VWDE: variants seen among roughly 807,000 people sequenced by gnomAD.
VWDE encodes von Willebrand factor D and EGF domain-containing protein.
A neutral mutation model predicts 178.4 loss-of-function variants in VWDE; 207 were observed. The observed-to-expected ratio is 1.16, with a 90% CI of 1.04 to 1.30. The LOEUF is 1.30. Among genes scored for constraint, VWDE ranks in the 50% most tolerant of loss-of-function variants. The probability of loss-of-function intolerance (pLI) is 0.00; values close to 1 mark genes in which losing one functional copy is unlikely to be tolerated. For synonymous variants in VWDE, 738 were observed against 651.4 expected (o/e 1.13, Z -2.02); for missense variants, 2,287 against 1,901.3 (o/e 1.20, Z -3.77).
At chr7:12,335,614 C>A (rs573912270) in intron 27 of VWDE, among the ~76,000 whole-genome samples, 17 of 152,048 alleles carry the variant, frequency 1.1e-4, no homozygotes, top group Non-Finnish European at 2.4e-4. Flanking sequence ...TGCCACCACG[C>A]CTGGCTAATT....
intron 7 of VWDE, among the ~76,000 whole-genome samples, chr7:12,375,452 TAA>T (rs1783473835): frequency 6.6e-6 from 1 of 152,002 alleles, no homozygotes. Context: ...TATGTACACA[TAA>T]ATACATATTA....
At chr7:12,370,987 A>G (rs1217638376) in intron 10 of VWDE, 123 bp from the exon 11 acceptor site, 4 of 818,432 alleles carry the variant, frequency 4.9e-6, no homozygotes, top group East Asian at 6.0e-5. Flanking sequence ...AAAGAATAAA[A>G]TACTGATTTT....
At chr7:12,396,689 G>A (rs1341958598) in intron 1 of VWDE, among the ~76,000 whole-genome samples, 1 of 152,068 alleles carries the variant, frequency 6.6e-6, no homozygotes, top group Admixed American at 6.6e-5. Context: ...GCCAAGGCAG[G>A]TGGATCACCT....
intron 10 of VWDE, 64 bp downstream of exon 10, chr7:12,372,913 T>C: frequency 7.0e-7 from 1 of 1,432,862 alleles, no homozygotes; most frequent in Non-Finnish European, 9.5e-7. Flanking sequence ...CCTAATTTAA[T>C]AGAGATGTTT....
intron 3 of VWDE, 85 bp from the exon 4 acceptor site, chr7:12,383,686 G>C (rs1783964691): frequency 8.4e-7 from 1 of 1,186,262 alleles, no homozygotes; most frequent in Non-Finnish European, 1.2e-6. Context: ...ATTTATTGAA[G>C]GATGATTTAA....
intron 24 of VWDE, among the ~76,000 whole-genome samples, chr7:12,338,812 C>T (rs1469591554): frequency 1.3e-5 from 2 of 152,108 alleles, no homozygotes; most frequent in Non-Finnish European, 2.9e-5. Context: ...AGCCATACAT[C>T]CTAAGCCTTG....
chr7:12,375,519 T>C (rs1002750391), intron 7 of VWDE, among the ~76,000 whole-genome samples: 2 of 151,826 alleles, frequency 1.3e-5, no homozygotes, highest in African/African-American at 4.8e-5. Context: ...TCAAAAAGAA[T>C]AGATAAAATT....
intron 1 of VWDE, among the ~76,000 whole-genome samples, chr7:12,394,436 A>T (rs1290687136): frequency 1.3e-5 from 2 of 152,160 alleles, no homozygotes; most frequent in African/African-American, 4.8e-5. Context: ...GGCGAAAGGG[A>T]GAATTATTTA....
Position 12,375,137 on chromosome 7 carries a change from T to A in VWDE, c.1115A>T (p.His372Leu). 6.4e-7 allele frequency: 1 copy of A among 1,551,266 alleles called. No homozygotes were observed. The highest frequency in any genetic ancestry group is 8.7e-7 in the Non-Finnish European group (1 of 1,146,668). ...TSSCANGTCSHTFVYYTAVTD... is the reference protein window; with the variant it reads ...TSSCANGTCSLTFVYYTAVTD... ...GACAGCAGTGTAGTACACAAAAGTG[T>A]GGCTACAGGTTCCATTAGCACAGGA... Residue 372 changes from histidine to leucine, a missense_variant, in exon 8 of 29, where the codon CAC becomes CTC. By Grantham distance (99) the His-to-Leu change is moderately conservative (BLOSUM62 -3). Coordinates refer to ENST00000275358, the MANE Select transcript of VWDE (RefSeq NM_001135924.3).
intron 13 of VWDE, 55 bp downstream of exon 13, chr7:12,367,302 A>G (rs2128554777): frequency 1.5e-6 from 2 of 1,352,684 alleles, no homozygotes; most frequent in Non-Finnish European, 9.7e-7. Context: ...CCAAGATAAT[A>G]TTAATCTGAG....
chr7:12,387,414 AAG>A (rs2128560394), intron 3 of VWDE, among the ~76,000 whole-genome samples: 1 of 152,186 alleles, frequency 6.6e-6, no homozygotes, highest in South Asian at 2.1e-4. Flanking sequence ...TGCTGACATT[AAG>A]AGAGATTTCT....
intron 27 of VWDE, among the ~76,000 whole-genome samples, chr7:12,334,304 C>G (rs1780892431): frequency 6.6e-6 from 1 of 152,052 alleles, no homozygotes; most frequent in South Asian, 2.1e-4. Flanking sequence ...AACATAAATT[C>G]TTTCAAACAA....
Position 12,389,310 on chromosome 7 carries a change from A to C in VWDE, c.292T>G (p.Ser98Ala). The change falls in exon 3 of 29, where the codon TCA becomes GCA. Residue 98 changes from serine (S) to alanine (A), a missense_variant. Physicochemically the swap from Ser to Ala is moderately conservative, Grantham distance 99 (BLOSUM62 1). Transcript: ENST00000275358. Reference sequence around the variant, plus strand: ...TCCCCAGGAGATGGCAGTGTTTCTGAATCTCTCAGAGACAGCCAGATGGGG... The same window carrying C: ...TCCCCAGGAGATGGCAGTGTTTCTGCATCTCTCAGAGACAGCCAGATGGGG... ...QAPIWLSLRDSETLPSPGEIK... is the reference protein window; with the variant it reads ...QAPIWLSLRDAETLPSPGEIK... 7.1e-6 allele frequency: 11 copies of C among 1,551,522 alleles called. No homozygotes were observed. The highest frequency in any genetic ancestry group is 6.1e-6 in the Non-Finnish European group (7 of 1,146,822).
At position 12,340,207 on chromosome 7, in the gene VWDE, A is replaced by G. The variant is rs536448734; in HGVS notation, c.4366+115T>C. The G allele has an allele frequency of 3.3e-4, 250 of 769,086 alleles. 4 individuals carry two copies. Among genetic ancestry groups the G allele is most frequent in the South Asian group, 2.4e-3 (119 of 49,774 alleles). 47.6% of individuals were successfully genotyped at this position (769,086 alleles called of 1,614,324 possible). ...TGGGCATACTTGAAACATCGCAAGAATTCTGGGGAAAAAATCGCATCTTTC... is the reference window on the plus strand; with the variant it reads ...TGGGCATACTTGAAACATCGCAAGAGTTCTGGGGAAAAAATCGCATCTTTC... On this transcript the variant is annotated intron_variant, in intron 24 of 28. Transcript: ENST00000275358.
chr7:12,339,152 A>G (rs1224066455), intron 24 of VWDE, among the ~76,000 whole-genome samples: 1 of 152,152 alleles, frequency 6.6e-6, no homozygotes, highest in Non-Finnish European at 1.5e-5. Context: ...TCTCCCCACA[A>G]TGATAATCTG....
At position 12,403,844 on chromosome 7, in the gene VWDE, G is replaced by T. The variant is rs1785036175; in HGVS notation, c.-128C>A. On this transcript the variant is annotated 5_prime_UTR_variant, in exon 1 of 29. Coordinates refer to ENST00000275358, the MANE Select transcript of VWDE (RefSeq NM_001135924.3). Reference sequence around the variant, plus strand: ...CTCAGTCTGTTGCTGCTTGGAACAGGGAAGCTCCGCGTCCTCGTTCTGGGG... The same window carrying T: ...CTCAGTCTGTTGCTGCTTGGAACAGTGAAGCTCCGCGTCCTCGTTCTGGGG... 6 of 1,003,220 alleles carry T rather than the reference G, an allele frequency of 6.0e-6. No homozygotes were observed. In the Admixed American group the frequency reaches 1.2e-4, roughly 20 times the overall value. The allele number at this position is 1,003,220 out of a possible 1,614,324, so 62.1% of individuals were successfully genotyped here.
chr7:12,382,237 T>C (rs1401670628), intron 4 of VWDE, among the ~76,000 whole-genome samples: 2 of 151,796 alleles, frequency 1.3e-5, no homozygotes, highest in African/African-American at 2.4e-5. Flanking sequence ...GTAGGTGAAA[T>C]TTATTATTTA....
intron 3 of VWDE, among the ~76,000 whole-genome samples, chr7:12,384,719 AG>A (rs936270800): frequency 6.6e-6 from 1 of 152,154 alleles, no homozygotes; most frequent in Non-Finnish European, 1.5e-5. Context: ...ACTCATTTAC[AG>A]GATTATACCA....
intron 16 of VWDE, 36 bp from the exon 17 acceptor site, chr7:12,357,551 T>C: frequency 6.5e-7 from 1 of 1,545,394 alleles, no homozygotes; most frequent in South Asian, 1.2e-5. Context: ...TATACCCGTG[T>C]AGAAAAAGGA....
Sources: allele counts gnomAD v4.1 joint callset (sites outside exome capture counted in the v4.1 genomes callset), GRCh38; gene constraint gnomAD v4.1.1; transcripts MANE v1.5; gene names NCBI Gene and HGNC (gene_info 2026-07-23, HGNC 2026-07-21).